CDH18: variants seen among roughly 807,000 people sequenced by gnomAD.
The protein encoded by CDH18 is cadherin-18.
CDH18 carries 31 observed loss-of-function variants against 67.9 expected under a neutral mutation model. The observed-to-expected ratio is 0.46, with a 90% CI of 0.34 to 0.62. The LOEUF (loss-of-function observed/expected upper bound fraction) is 0.62, where lower values mean the gene tolerates loss of function less well. Among genes scored for constraint, CDH18 ranks in the 20% least tolerant of loss-of-function variants. The probability of loss-of-function intolerance (pLI) is 0.01; values close to 1 mark genes in which losing one functional copy is unlikely to be tolerated. For synonymous variants in CDH18, 362 were observed against 347.2 expected (o/e 1.04, Z -0.48); for missense variants, 890 against 975.5 (o/e 0.91, Z 1.17).
intron 1 of CDH18, among the ~76,000 whole-genome samples, chr5:20,449,627 T>C (rs1370782182): frequency 1.3e-5 from 2 of 152,040 alleles, no homozygotes; most frequent in Non-Finnish European, 2.9e-5. Context: ...GAAGAAAGAA[T>C]GTCTACATAT....
chr5:20,521,669 C>T (rs1355055), intron 1 of CDH18, among the ~76,000 whole-genome samples: 60,310 of 151,646 alleles, frequency 0.4, 13,403 homozygotes, highest in East Asian at 0.56. Flanking sequence ...GAGTTAATGG[C>T]AAATGCGTTT....
At chr5:20,002,814 G>A (rs1199163417) in intron 2 of CDH18, among the ~76,000 whole-genome samples, 2 of 152,170 alleles carry the variant, frequency 1.3e-5, no homozygotes, top group African/African-American at 2.4e-5. Context: ...TCTGTTCAGG[G>A]GAGATATAGA....
At chr5:20,535,603 C>A (rs894649858) in intron 1 of CDH18, among the ~76,000 whole-genome samples, 1 of 152,060 alleles carries the variant, frequency 6.6e-6, no homozygotes, top group East Asian at 1.9e-4. Flanking sequence ...CTCTGCCTAT[C>A]GCAGAAAGCC....
At chr5:19,997,318 C>A (rs1736097423) in intron 2 of CDH18, among the ~76,000 whole-genome samples, 1 of 151,988 alleles carries the variant, frequency 6.6e-6, no homozygotes, top group African/African-American at 2.4e-5. Flanking sequence ...GATGGCTGTA[C>A]ACTGTTATAG....
intron 2 of CDH18, among the ~76,000 whole-genome samples, chr5:19,927,362 T>G (rs1561574379): frequency 1.3e-5 from 2 of 152,108 alleles, no homozygotes; most frequent in South Asian, 4.1e-4. Context: ...TATGAGGTAG[T>G]TTTGACTCTT....
intron 4 of CDH18, among the ~76,000 whole-genome samples, chr5:19,724,971 G>C (rs1766621971): frequency 6.8e-6 from 1 of 147,624 alleles, no homozygotes; most frequent in South Asian, 2.1e-4. Flanking sequence ...CTGTCACCTA[G>C]GCTGGAGTGC....
At chr5:20,066,622 C>T (rs1743000200) in intron 2 of CDH18, among the ~76,000 whole-genome samples, 1 of 151,910 alleles carries the variant, frequency 6.6e-6, no homozygotes, top group Admixed American at 6.6e-5. Context: ...ATTTTGTTTT[C>T]TTTTCCACAG....
chr5:19,694,192 T>C (rs1370233722), intron 5 of CDH18, among the ~76,000 whole-genome samples: 1 of 152,172 alleles, frequency 6.6e-6, no homozygotes, highest in African/African-American at 2.4e-5. Flanking sequence ...TTTTTATATA[T>C]GTATAAAGGC....
chr5:19,546,701 G>A (rs545205983), intron 8 of CDH18, among the ~76,000 whole-genome samples: 10 of 152,248 alleles, frequency 6.6e-5, no homozygotes, highest in Admixed American at 5.9e-4. Context: ...TATTGCTAAG[G>A]TGTGAAATCT....
chr5:20,342,382 G>A (rs560389571), intron 1 of CDH18, among the ~76,000 whole-genome samples: 2 of 152,214 alleles, frequency 1.3e-5, no homozygotes, highest in Admixed American at 1.3e-4. Context: ...TTTGTCTGAG[G>A]AGATAAACCC....
At chr5:20,407,757 G>A (rs1028953983) in intron 1 of CDH18, among the ~76,000 whole-genome samples, 1 of 151,234 alleles carries the variant, frequency 6.6e-6, no homozygotes, top group Non-Finnish European at 1.5e-5. Flanking sequence ...AAAACATAAG[G>A]CACTTATTGG....
chr5:19,625,329 T>A (rs558147024), intron 5 of CDH18, among the ~76,000 whole-genome samples: 2 of 152,250 alleles, frequency 1.3e-5, no homozygotes, highest in East Asian at 3.9e-4. Flanking sequence ...TTTGTTTTTT[T>A]TTTCCCCACT....
At chr5:20,522,529 G>A (rs1755810609) in intron 1 of CDH18, among the ~76,000 whole-genome samples, 1 of 152,084 alleles carries the variant, frequency 6.6e-6, no homozygotes, top group Non-Finnish European at 1.5e-5. Context: ...ATTTATAATA[G>A]TGAGGATAAT....
At chr5:19,899,642 C>T (rs1469009921) in intron 2 of CDH18, among the ~76,000 whole-genome samples, 2 of 152,050 alleles carry the variant, frequency 1.3e-5, no homozygotes, top group Non-Finnish European at 2.9e-5. Flanking sequence ...AGAGTAATAG[C>T]ACTCCTATGC....
intron 2 of CDH18, among the ~76,000 whole-genome samples, chr5:19,906,371 C>T (rs1475702524): frequency 4.6e-5 from 7 of 151,726 alleles, no homozygotes; most frequent in Non-Finnish European, 8.8e-5. Context: ...TACCTAATGA[C>T]GATTTTCAAT....
chr5:20,236,346 T>A (rs1381278734), intron 2 of CDH18, among the ~76,000 whole-genome samples: 1 of 151,572 alleles, frequency 6.6e-6, no homozygotes, highest in African/African-American at 2.4e-5. Context: ...GAAATACAAC[T>A]AATGTTTCTT....
intron 1 of CDH18, among the ~76,000 whole-genome samples, chr5:20,346,828 A>G (rs1740739075): frequency 6.6e-6 from 1 of 152,200 alleles, no homozygotes; most frequent in African/African-American, 2.4e-5. Flanking sequence ...TTCAAAATGC[A>G]TCAAGTGTAA....
At chr5:19,830,847 A>C (rs1331686113) in intron 3 of CDH18, among the ~76,000 whole-genome samples, 1 of 152,148 alleles carries the variant, frequency 6.6e-6, no homozygotes. Context: ...ATGGAATACT[A>C]CACAGCCTTG....
chr5:19,494,282 ATG>A (rs2126691180), intron 11 of CDH18, among the ~76,000 whole-genome samples: 1 of 152,118 alleles, frequency 6.6e-6, no homozygotes, highest in African/African-American at 2.4e-5. Flanking sequence ...ATTACATTGC[ATG>A]TGTGTTTTCA....
Sources: gnomAD v4.1 joint callset for allele counts (sites outside exome capture counted in the v4.1 genomes callset) on GRCh38, gnomAD v4.1.1 for gene constraint, MANE v1.5 for transcripts, NCBI Gene and HGNC (gene_info 2026-07-23, HGNC 2026-07-21) for gene names.